The following KLHL29 variants were observed in gnomAD, a reference collection of about 807,000 sequenced individuals.
KLHL29 encodes the protein kelch like family member 29.
Under a neutral mutation model 80.4 loss-of-function variants are expected in KLHL29, and 21 were observed. The observed-to-expected ratio is 0.26, with a 90% CI of 0.19 to 0.38. The LOEUF (loss-of-function observed/expected upper bound fraction) is 0.38. Ranked by LOEUF, KLHL29 falls within the 10% of genes least tolerant of loss-of-function variation. KLHL29 has a pLI of 1.00. For synonymous variants in KLHL29, 511 were observed against 526.8 expected (o/e 0.97, Z 0.41); for missense variants, 867 against 1,223.9 (o/e 0.71, Z 4.35).
chr2:23,687,645 G>A (rs1671327301), intron 6 of KLHL29, among the ~76,000 whole-genome samples: 3 of 152,224 alleles, frequency 2.0e-5, no homozygotes, highest in South Asian at 2.1e-4. Context: ...GGGCCTGGCT[G>A]TGGGGGAGGG....
chr2:23,435,033 G>A (rs1420012842), intron 1 of KLHL29, among the ~76,000 whole-genome samples: 2 of 152,186 alleles, frequency 1.3e-5, no homozygotes, highest in Admixed American at 6.5e-5. Flanking sequence ...CTGATGAAAC[G>A]CCATTCCATA....
intron 3 of KLHL29, among the ~76,000 whole-genome samples, chr2:23,583,802 G>A (rs1215115117): frequency 6.6e-6 from 1 of 152,114 alleles, no homozygotes; most frequent in Non-Finnish European, 1.5e-5. Context: ...AACCACATAA[G>A]CCAAATAAAA....
At chr2:23,500,342 G>T (rs1665403947) in intron 2 of KLHL29, among the ~76,000 whole-genome samples, 1 of 152,230 alleles carries the variant, frequency 6.6e-6, no homozygotes, top group Non-Finnish European at 1.5e-5. Flanking sequence ...GTGATCGGAA[G>T]CCGTGGAGAA....
rs950955983 is a variant in KLHL29 at position 23,680,095 on chromosome 2, G to T, written c.941-4304G>T. Among the ~76,000 whole-genome samples the T allele has an allele frequency of 5.3e-5, 8 of 152,200 alleles. No individual in the cohort carries two copies. Among genetic ancestry groups the T allele is most frequent in the Non-Finnish European group, 1.0e-4 (7 of 68,022 alleles). On this transcript the variant is annotated intron_variant, in intron 5 of 13. Coordinates refer to ENST00000486442, the MANE Select transcript of KLHL29 (RefSeq NM_052920.2). This position sits in a 1 kb window ranked among gnomAD's most constrained non-coding sequence, Gnocchi z 4.1. Reference sequence around the variant, plus strand: ...GGATGCAGTGTGGAGGTGGCCTGGAGGGGGACAGGCTGGAAACAGGGAGAC... The same window carrying T: ...GGATGCAGTGTGGAGGTGGCCTGGATGGGGACAGGCTGGAAACAGGGAGAC...
intron 5 of KLHL29, among the ~76,000 whole-genome samples, chr2:23,657,080 A>G (rs1364843403): frequency 6.6e-6 from 1 of 152,102 alleles, no homozygotes; most frequent in African/African-American, 2.4e-5. Context: ...TTTGGGGAGT[A>G]GAGGCCAGAA....
At position 23,501,158 on chromosome 2, in the gene KLHL29, C is replaced by A. The variant is rs541423839; in HGVS notation, c.-46+25491C>A. 2.6e-5 allele frequency among the ~76,000 whole-genome samples: 4 copies of A among 152,152 alleles called. No individual in the cohort carries two copies. The East Asian group carries it at 7.7e-4, about 29-fold the overall frequency. ...TCTGAGACTCAGGGTGGCTGATGGC[C>A]CGGACTCCAATCAGAAATCCCCAAC... On this transcript the variant is annotated intron_variant, in intron 2 of 13. Coordinates refer to ENST00000486442, the MANE Select transcript of KLHL29 (RefSeq NM_052920.2).
intron 2 of KLHL29, among the ~76,000 whole-genome samples, chr2:23,561,351 G>T (rs916874859): frequency 5.3e-5 from 8 of 152,178 alleles, no homozygotes; most frequent in African/African-American, 1.4e-4. Context: ...GGTGTGTCCA[G>T]GTCTCCATGA....
chr2:23,658,580 G>T (rs891059205), intron 5 of KLHL29, among the ~76,000 whole-genome samples: 4 of 152,212 alleles, frequency 2.6e-5, no homozygotes, highest in African/African-American at 9.6e-5. Flanking sequence ...GAGGGGAAGG[G>T]GAGGTGGCCG....
chr2:23,689,024 C>G (rs370390504), intron 6 of KLHL29: 2 of 153,176 alleles, frequency 1.3e-5, no homozygotes, highest in Non-Finnish European at 2.9e-5. Context: ...GCGCCCCCAC[C>G]CCCTCACAGC....
rs1665508785 is a variant in KLHL29, at chr2:23,503,377, C to A, written c.-46+27710C>A. On this transcript the variant is annotated intron_variant, in intron 2 of 13. Coordinates refer to ENST00000486442, the MANE Select transcript of KLHL29 (RefSeq NM_052920.2). The surrounding 1 kb of genome is among the most constrained non-coding windows in gnomAD (Gnocchi z 4.0). ...TCACTTGTAGCCTGACCTTCCATGG[C>A]TCTATAATTCTCTTTGTTATCTTTG... is the stretch of plus-strand genomic sequence containing the variant. Among the ~76,000 whole-genome samples the A allele has an allele frequency of 6.6e-6, 1 of 152,244 alleles. No individual in the cohort carries two copies. Among genetic ancestry groups the A allele is most frequent in the African/African-American group, 2.4e-5 (1 of 41,452 alleles).
chr2:23,422,089 T>G (rs1662829999), intron 1 of KLHL29, among the ~76,000 whole-genome samples: 1 of 151,772 alleles, frequency 6.6e-6, no homozygotes, highest in Non-Finnish European at 1.5e-5. Flanking sequence ...CCCTTTGCTG[T>G]CTGTATGTTT....
At chr2:23,396,092 C>T (rs1666447087) in intron 1 of KLHL29, among the ~76,000 whole-genome samples, 1 of 152,228 alleles carries the variant, frequency 6.6e-6, no homozygotes. Context: ...TAGAATCCCT[C>T]ATCAGTGAGA....
intron 3 of KLHL29, among the ~76,000 whole-genome samples, chr2:23,629,030 G>A (rs1476492380): frequency 6.6e-6 from 1 of 152,226 alleles, no homozygotes; most frequent in African/African-American, 2.4e-5. Context: ...GTGCTCAGGA[G>A]GGCGCTGCCT....
At chr2:23,451,071 T>C (rs1443685763) in intron 1 of KLHL29, among the ~76,000 whole-genome samples, 1 of 152,258 alleles carries the variant, frequency 6.6e-6, no homozygotes, top group East Asian at 1.9e-4. Flanking sequence ...ATTCTTTCAC[T>C]TAGCATAAAC....
intron 2 of KLHL29, among the ~76,000 whole-genome samples, chr2:23,489,389 G>C (rs1315798420): frequency 6.6e-6 from 1 of 151,976 alleles, no homozygotes; most frequent in Admixed American, 6.6e-5. Flanking sequence ...TATTCCGGTG[G>C]CTCCTGCAGG....
intron 1 of KLHL29, among the ~76,000 whole-genome samples, chr2:23,433,221 A>G (rs951927673): frequency 2.1e-5 from 3 of 141,868 alleles, no homozygotes; most frequent in Non-Finnish European, 4.8e-5. Flanking sequence ...CTCCACCAGC[A>G]AAAGAGTAAG....
At chr2:23,627,006 T>A (rs1388241645) in intron 3 of KLHL29, among the ~76,000 whole-genome samples, 3 of 152,182 alleles carry the variant, frequency 2.0e-5, no homozygotes, top group African/African-American at 4.8e-5. Flanking sequence ...GCTGCCCTGG[T>A]TACCCACAGC....
chr2:23,467,092 TCTC>T, intron 1 of KLHL29, among the ~76,000 whole-genome samples: 1 of 152,206 alleles, frequency 6.6e-6, no homozygotes, highest in South Asian at 2.1e-4. Context: ...TCACTCACCT[TCTC>T]CTGCCTTTGG....
intron 2 of KLHL29, among the ~76,000 whole-genome samples, chr2:23,533,693 T>C (rs1666574150): frequency 6.6e-6 from 1 of 152,152 alleles, no homozygotes; most frequent in Non-Finnish European, 1.5e-5. Flanking sequence ...CTCCCGGGAC[T>C]AACAGTGTAA....
Sources: allele counts gnomAD v4.1 joint callset (sites outside exome capture counted in the v4.1 genomes callset), GRCh38; gene constraint gnomAD v4.1.1; non-coding constraint Gnocchi (gnomAD v3.1); transcripts MANE v1.5; gene names NCBI Gene and HGNC (gene_info 2026-07-23, HGNC 2026-07-21).